Variants in CLK1 observed in about 807,000 individuals in gnomAD.
CLK1 encodes the protein dual specificity protein kinase CLK1.
CLK1 carries 40 observed loss-of-function variants against 60.9 expected under a neutral mutation model. That is an observed-to-expected ratio of 0.66 (90% CI 0.51 to 0.86). CLK1 has a LOEUF of 0.86. CLK1 is among the 40% of genes least tolerant of loss of function. The pLI is 0.00. For missense variants in CLK1, 563 were observed against 606.1 expected (o/e 0.93, Z 0.75); for synonymous variants, 203 against 184.4 (o/e 1.10, Z -0.82).
At position 200,860,185 on chromosome 2, in the gene CLK1, C is replaced by T. The variant is rs1249139632; in HGVS notation, c.421G>A (p.Val141Ile). ...KSHRRKRTRS[V>I]EDDEEGHLIC... is the part of the protein sequence containing the mutation. ...AGGTGACCCTCCTCATCATCCTCTA[C>T]ACTCCTGGTTCTTTTCCTTCGGTGA... The change falls in exon 4 of 13, where the codon GTA (valine) becomes ATA (isoleucine). Residue 141 changes from valine to isoleucine, a missense_variant. By Grantham distance (29) the Val-to-Ile change is conservative. Around this residue, in one of 3 missense-constraint regions of CLK1, gnomAD observed 198 missense variants for 179.2 expected, o/e 1.10. Coordinates refer to ENST00000321356, the MANE Select transcript of CLK1 (RefSeq NM_004071.4). The T allele has an allele frequency of 1.2e-6, 2 of 1,614,142 alleles. No individual in the cohort carries two copies. The highest frequency in any genetic ancestry group is 2.2e-5 in the South Asian group (2 of 91,084).
At position 200,858,064 on chromosome 2, in the gene CLK1, T is replaced by C. The variant is rs1392823858; in HGVS notation, c.574A>G (p.Ile192Val). Residue 192 changes from isoleucine (I) to valine (V), a missense_variant, in exon 6 of 13, where the codon ATA (isoleucine) becomes GTA (valine). Ile to Val is a conservative substitution (Grantham distance 29). Around this residue, in one of 3 missense-constraint regions of CLK1, gnomAD observed 360 missense variants for 407.0 expected, o/e 0.88. Coordinates refer to ENST00000321356, the MANE Select transcript of CLK1 (RefSeq NM_004071.4). Reference sequence around the variant, plus strand: ...CAGTATCTATCCACATTTTTAACTATTTTTACTGCTACATGTCTACCTCCC... The same window carrying C: ...CAGTATCTATCCACATTTTTAACTACTTTTACTGCTACATGTCTACCTCCC... ...KAGGRHVAVK[I>V]VKNVDRYCEA... is the part of the protein sequence containing the mutation. 1.2e-6 allele frequency: 2 copies of C among 1,612,762 alleles called. No homozygotes were observed. Among genetic ancestry groups the C allele is most frequent in the African/African-American group, 1.3e-5 (1 of 74,910 alleles).
At chr2:200,861,524 CTCT>C in intron 2 of CLK1, 58 bp from the exon 3 acceptor site, 2 of 1,588,408 alleles carry the variant, frequency 1.3e-6, no homozygotes, top group Admixed American at 3.5e-5. Context: ...TCCTCACATT[CTCT>C]TCAAGACAGC....
In CLK1 at chr2:200,861,386, G is replaced by A. The variant is rs2039135202; in HGVS notation, c.242C>T (p.Thr81Ile). 6.2e-7 allele frequency: 1 copy of A among 1,614,118 alleles called. No individual in the cohort carries two copies. The highest frequency in any genetic ancestry group is 1.3e-5 in the African/African-American group (1 of 75,044). ...GCGATGTCCAGGTTCACATCCTTGA[G>A]TGTAGTCATTTCTGTACTCATCAAT... is the stretch of plus-strand genomic sequence containing the variant. ...RYIDEYRNDY[T>I]QGCEPGHRQR... Residue 81 changes from threonine to isoleucine, a missense_variant, in exon 3 of 13, where the codon ACT becomes ATT. Thr to Ile is a moderately conservative substitution (Grantham distance 89, BLOSUM62 -1). Transcript: ENST00000321356.
intron 1 of CLK1, among the ~76,000 whole-genome samples, chr2:200,862,796 C>A (rs951879884): frequency 2.6e-5 from 4 of 152,230 alleles, no homozygotes; most frequent in African/African-American, 9.6e-5. Context: ...AGAGTTATAT[C>A]TGAGTTGCTG....
At chr2:200,863,616 G>C (rs1054826647) in intron 1 of CLK1, among the ~76,000 whole-genome samples, 1 of 152,108 alleles carries the variant, frequency 6.6e-6, no homozygotes, top group Non-Finnish European at 1.5e-5. Flanking sequence ...CCAGCACTTT[G>C]GGAGGCCGAA....
chr2:200,861,911 C>A, intron 1 of CLK1, 49 bp from the exon 2 acceptor site: 1 of 1,557,834 alleles, frequency 6.4e-7, no homozygotes. Context: ...CCACACTGAG[C>A]TGTTTAAAAT....
At position 200,853,386 on chromosome 2, in the gene CLK1, C is replaced by G. The variant is rs1205222051; in HGVS notation, c.1375G>C (p.Glu459Gln). ...RLFDLIQKML[E>Q]YDPAKRITLR... The stretch of plus-strand genomic sequence containing the variant: ...GTAATTCTTTTGGCTGGATCATACT[C>G]CAACATTTTCTGAATGAGGTCAAAG... Residue 459 changes from glutamate (E) to glutamine (Q), a missense_variant, in exon 13 of 13, where the codon GAG becomes CAG. Coordinates refer to ENST00000321356, the MANE Select transcript of CLK1 (RefSeq NM_004071.4). 1 of 1,613,228 alleles carries G rather than the reference C, an allele frequency of 6.2e-7. No individual in the cohort carries two copies. The highest frequency in any genetic ancestry group is 8.5e-7 in the Non-Finnish European group (1 of 1,179,572).
chr2:200,859,914 A>T, intron 4 of CLK1, 168 bp from the exon 5 acceptor site: 2 of 1,430,244 alleles, frequency 1.4e-6, no homozygotes, highest in Non-Finnish European at 1.8e-6. Context: ...GTCTAATTTC[A>T]TTAATTTGAT....
At chr2:200,853,839 G>C in intron 12 of CLK1, 64 bp downstream of exon 12, 2 of 1,280,048 alleles carry the variant, frequency 1.6e-6, no homozygotes, top group East Asian at 2.4e-5. Flanking sequence ...AGCAAGGCTC[G>C]GTCTCAAAAG....
chr2:200,861,470 G>A lies in CLK1; in HGVS notation c.162-4C>T, dbSNP rs546640082. 1.2e-6 allele frequency: 2 copies of A among 1,610,642 alleles called. No homozygotes were observed. The highest frequency in any genetic ancestry group is 2.2e-5 in the South Asian group (2 of 90,426). On this transcript the variant is annotated splice_region_variant and splice_polypyrimidine_tract_variant and intron_variant, in intron 2 of 12. Coordinates refer to ENST00000321356, the MANE Select transcript of CLK1 (RefSeq NM_004071.4). The stretch of plus-strand genomic sequence containing the variant: ...AGACCTGCTTTCCAAATAATGGCTA[G>A]AGAAATAAAAATTATTTTCAATGTT...
In CLK1 at chr2:200,857,994, G is replaced by C. The variant is rs1341955813; in HGVS notation, c.644C>G (p.Thr215Arg). Residue 215 changes from threonine (T) to arginine (R), a missense_variant, in exon 6 of 13, where the codon ACA (threonine) becomes AGA (arginine). Physicochemically the swap from Thr to Arg is moderately conservative, Grantham distance 71. This residue lies in a region of CLK1 where 360 missense variants were observed against 407.0 expected (regional missense o/e 0.88). Transcript: ENST00000321356. ...TTACAAAGTACTGTTGGGGTCTGTTGTATTCAGATGTTCCAGAACTTGTAT... is the reference window on the plus strand; with the variant it reads ...TTACAAAGTACTGTTGGGGTCTGTTCTATTCAGATGTTCCAGAACTTGTAT... ...SEIQVLEHLN[T>R]TDPNSTFRCV... 6.2e-7 allele frequency: 1 copy of C among 1,613,766 alleles called. No homozygotes were observed. The highest frequency in any genetic ancestry group is 8.5e-7 in the Non-Finnish European group (1 of 1,179,722).
In CLK1 at chr2:200,853,247, T is replaced by TA. The variant is rs2038974485; in HGVS notation, c.*58dup. The TA allele has an allele frequency of 7.7e-7, 1 of 1,306,776 alleles. No homozygotes were observed. Among genetic ancestry groups the TA allele is most frequent in the Non-Finnish European group, 1.0e-6 (1 of 962,362 alleles). 80.9% of individuals were successfully genotyped at this position (1,306,776 alleles called of 1,614,324 possible). A position where few individuals can be genotyped will look rare whatever the true frequency, so the allele number is the denominator to read the frequency against. ...AAGCTGTACAAAATAACTTAAAATT[T>TA]AAAAATTAGACTGATACAGTCTGTA... On this transcript the variant is annotated 3_prime_UTR_variant, in exon 13 of 13. Coordinates refer to ENST00000321356, the MANE Select transcript of CLK1 (RefSeq NM_004071.4).
intron 4 of CLK1, 116 bp from the exon 5 acceptor site, chr2:200,859,862 G>C: frequency 4.0e-6 from 6 of 1,500,060 alleles, no homozygotes; most frequent in Non-Finnish European, 5.3e-6. Flanking sequence ...CTTATCACTA[G>C]ATATTTTATT....
chr2:200,863,510 T>C (rs564474011), intron 1 of CLK1, among the ~76,000 whole-genome samples: 6 of 152,126 alleles, frequency 3.9e-5, no homozygotes, highest in African/African-American at 1.4e-4. Context: ...TGAGCCGTCA[T>C]TGCGCCACTT....
chr2:200,862,004 A>G, intron 1 of CLK1, 142 bp from the exon 2 acceptor site: 1 of 664,008 alleles, frequency 1.5e-6, no homozygotes. Flanking sequence ...AATCACTGAT[A>G]AATCCAATTA....
Position 200,854,709 on chromosome 2 carries a change from A to C in CLK1, c.1141-14T>G. ...ACTATCGTGTGTCTAGAAATAAAAT[A>C]AAAACAGACTTGGGGAAGATGACCA... On this transcript the variant is annotated splice_polypyrimidine_tract_variant and intron_variant, in intron 10 of 12. Coordinates refer to ENST00000321356, the MANE Select transcript of CLK1 (RefSeq NM_004071.4). 2.5e-6 allele frequency: 4 copies of C among 1,570,394 alleles called. No individual in the cohort carries two copies. Among genetic ancestry groups the C allele is most frequent in the Non-Finnish European group, 3.5e-6 (4 of 1,141,814 alleles).
At chr2:200,858,114 TAAG>T in intron 5 of CLK1, 25 bp from the exon 6 acceptor site, 1 of 1,418,422 alleles carries the variant, frequency 7.1e-7, no homozygotes, top group Non-Finnish European at 1.0e-6. Flanking sequence ...CATGCAAATT[TAAG>T]AATGACAGAC....
chr2:200,862,848 G>T (rs922725007), intron 1 of CLK1, among the ~76,000 whole-genome samples: 1 of 152,194 alleles, frequency 6.6e-6, no homozygotes, highest in Non-Finnish European at 1.5e-5. Context: ...ACGGACAAAT[G>T]AAACTACCAA....
At chr2:200,861,943 C>A in intron 1 of CLK1, 81 bp from the exon 2 acceptor site, 1 of 1,226,756 alleles carries the variant, frequency 8.2e-7, no homozygotes, top group South Asian at 1.4e-5. Context: ...AAGGTCCCCT[C>A]GTGACCTCGT....
Sources: allele counts gnomAD v4.1 joint callset (sites outside exome capture counted in the v4.1 genomes callset), GRCh38; gene constraint gnomAD v4.1.1; regional missense constraint gnomAD v4.1.1; transcripts MANE v1.5; gene names NCBI Gene and HGNC (gene_info 2026-07-23, HGNC 2026-07-21).